UBASH3B: variants seen among roughly 807,000 people sequenced by gnomAD.
The protein encoded by UBASH3B is ubiquitin-associated and SH3 domain-containing protein B.
Under a neutral mutation model 83.4 loss-of-function variants are expected in UBASH3B, and 37 were observed. The observed-to-expected ratio is 0.44, with a 90% CI of 0.34 to 0.58. The LOEUF is 0.58. UBASH3B is among the 20% of genes least tolerant of loss of function. UBASH3B has a pLI of 0.01. For synonymous variants in UBASH3B, 304 were observed against 318.3 expected, an observed-to-expected ratio of 0.96 and a Z score of 0.48; for missense variants, 657 against 827.2, an observed-to-expected ratio of 0.79 and a Z score of 2.52.
chr11:122,772,492 AAG>A lies in UBASH3B; in HGVS notation c.162-3718_162-3717del, dbSNP rs149735660. Among the ~76,000 whole-genome samples the A allele has an allele frequency of 2.8e-4, 43 of 152,260 alleles. No homozygotes were observed. In the East Asian group the frequency reaches 6.4e-3, roughly 23 times the overall value. The stretch of plus-strand genomic sequence containing the variant: ...GAGGGAGGGAAAGAAGGAAGGAAGA[AAG>A]AGAGAGAGGGAAGGAGGAAGAGGAG... On this transcript the variant is annotated intron_variant, in intron 1 of 13. Transcript: ENST00000284273.
intron 1 of UBASH3B, among the ~76,000 whole-genome samples, chr11:122,734,481 T>C (rs184855734): frequency 6.6e-6 from 1 of 152,166 alleles, no homozygotes; most frequent in African/African-American, 2.4e-5. Context: ...TGGCTTCCAG[T>C]ATACCACTAG....
At chr11:122,716,253 G>A (rs1466558005) in intron 1 of UBASH3B, among the ~76,000 whole-genome samples, 1 of 152,348 alleles carries the variant, frequency 6.6e-6, no homozygotes, top group East Asian at 1.9e-4. Context: ...ACTCACTGCG[G>A]CCCCAGCCTC....
intron 1 of UBASH3B, 45 bp from the exon 2 acceptor site, chr11:122,776,174 G>A: frequency 1.3e-6 from 2 of 1,588,658 alleles, no homozygotes; most frequent in Non-Finnish European, 1.7e-6. Flanking sequence ...TGCAGGGAGA[G>A]GAGGCTAAAA....
chr11:122,667,654 A>T (rs1863537875), intron 1 of UBASH3B, among the ~76,000 whole-genome samples: 1 of 152,210 alleles, frequency 6.6e-6, no homozygotes, highest in Admixed American at 6.5e-5. Context: ...CTTCAGTTTG[A>T]GAGGAGAGGA....
At chr11:122,708,144 A>G (rs115167063) in intron 1 of UBASH3B, among the ~76,000 whole-genome samples, 2,931 of 152,322 alleles carry the variant, frequency 0.019, 97 homozygotes, top group African/African-American at 0.068. Flanking sequence ...TTGGAGACTC[A>G]GTGTCCAAAG....
At chr11:122,696,141 G>A (rs11218761) in intron 1 of UBASH3B, among the ~76,000 whole-genome samples, 37,935 of 151,346 alleles carry the variant, frequency 0.25, 5,526 homozygotes, top group Non-Finnish European at 0.33. Flanking sequence ...GTAGAGACGG[G>A]GTTTCACCAT....
At chr11:122,724,600 GGGCCAGGCC>G (rs1860699467) in intron 1 of UBASH3B, among the ~76,000 whole-genome samples, 1 of 121,370 alleles carries the variant, frequency 8.2e-6, no homozygotes, top group South Asian at 2.5e-4. Context: ...TGGATGGGCT[GGGCCAGGCC>G]TGAACTGGCT....
chr11:122,788,979 C>G (rs1861003456), intron 5 of UBASH3B, 121 bp from the exon 6 acceptor site: 1 of 881,306 alleles, frequency 1.1e-6, no homozygotes. Context: ...ACCCCAAGGG[C>G]TCCTGGGCAC....
chr11:122,709,851 CCTAGATCAAAAGAGCATTCTCGAGG>C (rs1864167820), intron 1 of UBASH3B, among the ~76,000 whole-genome samples: 1 of 148,548 alleles, frequency 6.7e-6, no homozygotes, highest in African/African-American at 2.5e-5. Context: ...CATTCATTTG[CCTAGATCAAAAGAGCATTCTCGAGG>C]CCAGGGGCTG....
chr11:122,786,455 G>A (rs1199146667), intron 5 of UBASH3B, among the ~76,000 whole-genome samples: 6 of 152,024 alleles, frequency 3.9e-5, no homozygotes, highest in Admixed American at 6.5e-5. Flanking sequence ...TGAGGAGTTC[G>A]AAACCAGCCT....
chr11:122,798,687 G>A (rs1203392294), intron 9 of UBASH3B, among the ~76,000 whole-genome samples: 3 of 146,998 alleles, frequency 2.0e-5, no homozygotes, highest in Non-Finnish European at 3.0e-5. Context: ...CTCCAGCCTG[G>A]CGACAGAGCG....
chr11:122,778,011 T>A (rs939047837), intron 3 of UBASH3B, among the ~76,000 whole-genome samples: 1 of 152,112 alleles, frequency 6.6e-6, no homozygotes, highest in Non-Finnish European at 1.5e-5. Context: ...ATTATAGGCA[T>A]GAGCCACCAT....
chr11:122,796,224 G>C lies in UBASH3B; in HGVS notation c.1182G>C (p.Arg394Ser). 1 of 1,614,188 alleles carries C rather than the reference G, an allele frequency of 6.2e-7. No individual in the cohort carries two copies. The highest frequency in any genetic ancestry group is 1.1e-5 in the South Asian group (1 of 91,078). ...TTTTTGTGTGTCGGCATGGTGAGAG[G>C]ATGGATGTTGTGTTTGGGAAGTACT... ...RCLFVCRHGE[R>S]MDVVFGKYWL... Residue 394 changes from arginine (R) to serine (S), a missense_variant, in exon 8 of 14, where the codon AGG becomes AGC. Arg to Ser is a moderately radical substitution (Grantham distance 110). Coordinates refer to ENST00000284273, the MANE Select transcript of UBASH3B (RefSeq NM_032873.5).
intron 1 of UBASH3B, among the ~76,000 whole-genome samples, chr11:122,732,481 A>G (rs1160330173): frequency 6.6e-6 from 1 of 152,242 alleles, no homozygotes. Context: ...CAGGCCCTGC[A>G]CGTTGTAAGT....
At chr11:122,712,291 A>G (rs1375847375) in intron 1 of UBASH3B, among the ~76,000 whole-genome samples, 1 of 152,078 alleles carries the variant, frequency 6.6e-6, no homozygotes, top group Non-Finnish European at 1.5e-5. Flanking sequence ...AGATGGCCAT[A>G]TTGTCCTCAA....
intron 1 of UBASH3B, among the ~76,000 whole-genome samples, chr11:122,669,074 T>C (rs1316681919): frequency 6.6e-6 from 1 of 152,178 alleles, no homozygotes; most frequent in Admixed American, 6.5e-5. Flanking sequence ...CTTTGTGAAA[T>C]GCAGCAAATA....
At chr11:122,756,954 C>T (rs918670351) in intron 1 of UBASH3B, among the ~76,000 whole-genome samples, 5 of 152,176 alleles carry the variant, frequency 3.3e-5, no homozygotes, top group Non-Finnish European at 5.9e-5. Context: ...CTTGCCTCCG[C>T]GGGTCTTAGT....
intron 1 of UBASH3B, among the ~76,000 whole-genome samples, chr11:122,730,635 G>A (rs537350735): frequency 6.8e-6 from 1 of 146,574 alleles, no homozygotes; most frequent in South Asian, 2.2e-4. Context: ...TGCTCTTGTT[G>A]CCCAGGCTGG....
At chr11:122,739,979 C>CT (rs1860998354) in intron 1 of UBASH3B, among the ~76,000 whole-genome samples, 1 of 152,170 alleles carries the variant, frequency 6.6e-6, no homozygotes, top group Non-Finnish European at 1.5e-5. Flanking sequence ...TAACTAGTTT[C>CT]TAGAAAAGCT....
Sources: allele counts gnomAD v4.1 joint callset (sites outside exome capture counted in the v4.1 genomes callset), GRCh38; gene constraint gnomAD v4.1.1; transcripts MANE v1.5; gene names NCBI Gene and HGNC (gene_info 2026-07-23, HGNC 2026-07-21).